The following LINGO2 variants were observed in gnomAD, a reference collection of about 807,000 sequenced individuals.
The protein encoded by LINGO2 is leucine-rich repeat and immunoglobulin-like domain-containing nogo receptor-interacting protein 2.
A neutral mutation model predicts 30.6 loss-of-function variants in LINGO2; 14 were observed. The observed-to-expected ratio is 0.46, with a 90% confidence interval of 0.30 to 0.72. The LOEUF (loss-of-function observed/expected upper bound fraction) is 0.72, where lower values mean the gene tolerates loss of function less well. Ranked by LOEUF, LINGO2 falls within the 30% of genes least tolerant of loss-of-function variation. The pLI is 0.07. For missense variants in LINGO2, 729 were observed against 751.7 expected (o/e 0.97, Z 0.35); for synonymous variants, 317 against 288.5 (o/e 1.10, Z -1.00).
chr9:28,976,146 C>A, the LINGO2 span, among the ~76,000 whole-genome samples: 59 of 152,250 alleles, frequency 3.9e-4, no homozygotes, highest in East Asian at 6.4e-3. Flanking sequence ...ATAGATGGTG[C>A]CTTAAGAAGA....
At chr9:28,337,932 CCA>C (rs927845205) in intron 3 of LINGO2, among the ~76,000 whole-genome samples, 4 of 152,118 alleles carry the variant, frequency 2.6e-5, no homozygotes, top group African/African-American at 9.7e-5. Context: ...GTAAAACTTC[CCA>C]CACAGAGTCC....
intron 1 of LINGO2, among the ~76,000 whole-genome samples, chr9:28,479,845 CTGTG>C (rs528584169): frequency 0.024 from 1,416 of 60,150 alleles, 49 homozygotes; most frequent in East Asian, 0.18. Flanking sequence ...ACCATGTCAT[CTGTG>C]TGTGTGTGTG....
intron 4 of LINGO2, among the ~76,000 whole-genome samples, chr9:28,178,638 A>C (rs1465403253): frequency 1.3e-5 from 2 of 152,148 alleles, no homozygotes; most frequent in Non-Finnish European, 2.9e-5. Flanking sequence ...TCAGAAGTTA[A>C]AGTTGACACT....
intron 2 of LINGO2, among the ~76,000 whole-genome samples, chr9:28,434,114 T>C (rs532153442): frequency 6.6e-6 from 1 of 151,536 alleles, no homozygotes; most frequent in East Asian, 1.9e-4. Context: ...AAACCAAATA[T>C]CGTATGTTCT....
chr9:28,013,335 C>T (rs140392281), intron 4 of LINGO2, among the ~76,000 whole-genome samples: 1 of 152,194 alleles, frequency 6.6e-6, no homozygotes, highest in Non-Finnish European at 1.5e-5. Flanking sequence ...ATGATCCAGA[C>T]GATTGTAACA....
chr9:28,955,553 G>T, the LINGO2 span, among the ~76,000 whole-genome samples: 1 of 152,106 alleles, frequency 6.6e-6, no homozygotes. Flanking sequence ...AGGTGTCTTG[G>T]TGCATGAGAA....
chr9:28,967,733 T>C, the LINGO2 span, among the ~76,000 whole-genome samples: 1 of 152,304 alleles, frequency 6.6e-6, no homozygotes, highest in Non-Finnish European at 1.5e-5. Context: ...AAGGTTAGGA[T>C]GTATTTCTGA....
the LINGO2 span, among the ~76,000 whole-genome samples, chr9:29,088,781 G>A: frequency 2.6e-5 from 4 of 151,914 alleles, no homozygotes; most frequent in Non-Finnish European, 4.4e-5. Flanking sequence ...TTTGGAATAC[G>A]CAATGCTCAC....
chr9:29,124,288 A>T, the LINGO2 span, among the ~76,000 whole-genome samples: 4 of 152,204 alleles, frequency 2.6e-5, no homozygotes, highest in African/African-American at 9.7e-5. Context: ...CTTAAACATA[A>T]AATCTAAAAC....
the LINGO2 span, among the ~76,000 whole-genome samples, chr9:29,028,778 A>G: frequency 6.6e-6 from 1 of 152,156 alleles, no homozygotes; most frequent in Non-Finnish European, 1.5e-5. Context: ...CAGCTATTCA[A>G]TAGGTAGACA....
the LINGO2 span, among the ~76,000 whole-genome samples, chr9:29,078,699 T>C: frequency 7.9e-5 from 12 of 152,110 alleles, no homozygotes; most frequent in African/African-American, 2.9e-4. Flanking sequence ...TTATAATTTA[T>C]GTTCTATTAA....
intron 5 of LINGO2, among the ~76,000 whole-genome samples, chr9:27,990,296 G>A (rs1020525413): frequency 1.3e-5 from 2 of 151,292 alleles, no homozygotes; most frequent in Admixed American, 1.3e-4. Flanking sequence ...ACTAGTTTCT[G>A]ACTGATTAAA....
the LINGO2 span, among the ~76,000 whole-genome samples, chr9:28,721,278 A>C: frequency 6.6e-6 from 1 of 152,116 alleles, no homozygotes; most frequent in African/African-American, 2.4e-5. Flanking sequence ...AGAACCAGAA[A>C]TATCATTTGA....
intron 5 of LINGO2, among the ~76,000 whole-genome samples, chr9:27,995,062 T>G (rs1475547744): frequency 6.6e-6 from 1 of 152,154 alleles, no homozygotes; most frequent in Non-Finnish European, 1.5e-5. Flanking sequence ...AAGGAGACCT[T>G]ATAACTGATA....
chr9:28,545,803 C>A (rs1450936536), intron 1 of LINGO2, among the ~76,000 whole-genome samples: 1 of 151,892 alleles, frequency 6.6e-6, no homozygotes, highest in Non-Finnish European at 1.5e-5. Context: ...TTTGGAAAAG[C>A]CTTTACATTT....
In LINGO2 at chr9:28,593,921, T is replaced by A. The variant is rs111616698; in HGVS notation, c.-365+76279A>T. ...GGAAGCAGCTTAAATTGTAGGAGAA[T>A]ATGAATCATCATGGATATCCTATGT... On this transcript the variant is annotated intron_variant, in intron 1 of 5. Transcript: ENST00000379992. 7.1e-3 allele frequency among the ~76,000 whole-genome samples: 1,082 copies of A among 152,164 alleles called. 12 individuals carry two copies. The highest frequency in any genetic ancestry group is 0.022 in the African/African-American group (908 of 41,524).
At chr9:28,928,216 A>C in the LINGO2 span, among the ~76,000 whole-genome samples, 1 of 152,200 alleles carries the variant, frequency 6.6e-6, no homozygotes, top group Admixed American at 6.5e-5. Context: ...TTTTATATCA[A>C]AACCCTTTTA....
chr9:28,124,232 A>G (rs1827178705), intron 4 of LINGO2, among the ~76,000 whole-genome samples: 1 of 152,232 alleles, frequency 6.6e-6, no homozygotes, highest in Non-Finnish European at 1.5e-5. Context: ...AATCCCATCT[A>G]GATTCAAGAA....
chr9:29,161,583 G>A, the LINGO2 span, among the ~76,000 whole-genome samples: 2 of 152,196 alleles, frequency 1.3e-5, no homozygotes, highest in East Asian at 1.9e-4. Flanking sequence ...GGCCTTGATA[G>A]TTTGCTGGGC....
Sources: allele counts gnomAD v4.1 joint callset (sites outside exome capture counted in the v4.1 genomes callset), GRCh38; gene constraint gnomAD v4.1.1; transcripts MANE v1.5; gene names NCBI Gene and HGNC (gene_info 2026-07-23, HGNC 2026-07-21).